The following TTC14 variants were observed in gnomAD, a reference collection of about 807,000 sequenced individuals.
TTC14 encodes tetratricopeptide repeat protein 14.
TTC14 carries 63 observed loss-of-function variants against 79.9 expected under a neutral mutation model. The observed-to-expected ratio is 0.79, with a 90% CI of 0.64 to 0.97. The LOEUF is 0.97. TTC14 is among the 50% of genes least tolerant of loss of function. The probability of loss-of-function intolerance (pLI) is 0.00; values close to 1 mark genes in which losing one functional copy is unlikely to be tolerated. For missense variants in TTC14, 895 were observed against 894.0 expected (o/e 1.00, Z -0.01); for synonymous variants, 335 against 309.6 (o/e 1.08, Z -0.86).
chr3:180,602,854 A>C, intron 1 of TTC14, 37 bp from the exon 2 acceptor site: 1 of 1,585,198 alleles, frequency 6.3e-7, no homozygotes, highest in Non-Finnish European at 8.6e-7. Context: ...GGCTTTGCAG[A>C]TAACCCAATT....
rs1177632959 is a variant in TTC14 at position 180,604,787 on chromosome 3, T to A, written c.702-65T>A. ...GTATTTAAACCTCAAATGATATTAT[T>A]TCTTTACTAGAAATGGAATGTCAAA... On this transcript the variant is annotated intron_variant, in intron 5 of 11. Transcript: ENST00000296015. The A allele has an allele frequency of 5.3e-6, 8 of 1,513,408 alleles. No homozygotes were observed. The East Asian group carries it at 1.6e-4, about 30-fold the overall frequency. 93.7% of individuals were successfully genotyped at this position (1,513,408 alleles called of 1,614,324 possible).
chr3:180,613,674 C>A (rs1025023917), downstream of TTC14: 4 of 342,260 alleles, frequency 1.2e-5, no homozygotes, highest in African/African-American at 6.5e-5. Context: ...TTTAATATTA[C>A]TTCAAGTTTT....
chr3:180,604,983 C>T lies in TTC14; in HGVS notation c.833C>T (p.Pro278Leu). The change falls in exon 6 of 12, where the codon CCA becomes CTA. Residue 278 changes from proline (P) to leucine (L), a missense_variant. Transcript: ENST00000296015. Reference sequence around the variant, plus strand: ...CTAGGAATAGATGAATCTAATCCACCATCTTTAATGAGAGGCCTACAAAGG... The same window carrying T: ...CTAGGAATAGATGAATCTAATCCACTATCTTTAATGAGAGGCCTACAAAGG... Reference protein sequence around the residue: ...EKLGIDESNPPSLMRGLQSKN... With the variant: ...EKLGIDESNPLSLMRGLQSKN... The T allele has an allele frequency of 1.2e-6, 2 of 1,613,244 alleles. No individual in the cohort carries two copies. Among genetic ancestry groups the T allele is most frequent in the South Asian group, 1.1e-5 (1 of 90,978 alleles).
Position 180,610,248 on chromosome 3 carries a change from A to G in TTC14, c.2019A>G (p.Ala673=), listed in dbSNP as rs763128597. 1.2e-5 allele frequency: 20 copies of G among 1,613,928 alleles called. No homozygotes were observed. The highest frequency in any genetic ancestry group is 1.6e-5 in the Non-Finnish European group (19 of 1,179,950). The change falls in exon 12 of 12, where the codon GCA becomes GCG. Residue 673 remains alanine, a synonymous_variant. Coordinates refer to ENST00000296015, the MANE Select transcript of TTC14 (RefSeq NM_133462.4). ...PGSVRHSTSP[A]SSEYSWKSVE... ...CTGTGAGGCATTCTACCTCACCAGC[A>G]AGCTCAGAATACTCTTGGAAGTCAG...
At chr3:180,615,585 AGAAACAGTTTTTTATACTTAAAT>A (rs1717200160), downstream of TTC14, among the ~76,000 whole-genome samples, 1 of 152,198 alleles carries the variant, frequency 6.6e-6, no homozygotes, top group Non-Finnish European at 1.5e-5. Flanking sequence ...TCAGTTATAT[AGAAACAGTTTTTTATACTTAAAT>A]GAAACACTTT....
At chr3:180,605,997 T>C in intron 7 of TTC14, 160 bp downstream of exon 7, 1 of 852,130 alleles carries the variant, frequency 1.2e-6, no homozygotes, top group Middle Eastern at 3.5e-4. Flanking sequence ...TCTTACATTT[T>C]ACACTTAACA....
In TTC14 at chr3:180,602,351, C is replaced by G; in HGVS notation, c.90C>G (p.His30Gln). ...GGAGCGAACAGCAGGACAATCCACA[C>G]TTCCGTAGCCTCCTGGGGTCGGCCG... ...LLRSEQQDNP[H>Q]FRSLLGSAAE... Residue 30 changes from histidine to glutamine, a missense_variant, in exon 1 of 12, where the codon CAC becomes CAG. By Grantham distance (24) the His-to-Gln change is conservative. Transcript: ENST00000296015. 1 of 1,612,982 alleles carries G rather than the reference C, an allele frequency of 6.2e-7. No individual in the cohort carries two copies. The highest frequency in any genetic ancestry group is 1.1e-5 in the South Asian group (1 of 91,074).
downstream of TTC14, among the ~76,000 whole-genome samples, chr3:180,613,415 T>C (rs1033929444): frequency 6.6e-6 from 1 of 152,198 alleles, no homozygotes; most frequent in African/African-American, 2.4e-5. Flanking sequence ...TAAATGTAGA[T>C]TCGTATGCTG....
chr3:180,610,139 C>G lies in TTC14; in HGVS notation c.1910C>G (p.Ser637Ter). 6.2e-7 allele frequency: 1 copy of G among 1,612,700 alleles called. No individual in the cohort carries two copies. The change falls in exon 12 of 12, where the codon TCA (serine) becomes TGA (stop). Residue 637 changes from serine to a stop codon, truncating the protein, a stop_gained. Coordinates refer to ENST00000296015, the MANE Select transcript of TTC14 (RefSeq NM_133462.4). LOFTEE classifies it high-confidence loss of function. ...TCCTCAGATTCCTTCTGTAGGAATT[C>G]AGAGGACAAGATTTATGGTTATAGG... ...RNSSDSFCRN[S>*]EDKIYGYRRF...
rs757001642 is a variant in TTC14, at chr3:180,606,329, A to G, written c.1006A>G (p.Ile336Val). The G allele has an allele frequency of 3.1e-6, 5 of 1,614,046 alleles. No individual in the cohort carries two copies. The highest frequency in any genetic ancestry group is 1.1e-5 in the South Asian group (1 of 91,086). The change falls in exon 8 of 12, where the codon ATA becomes GTA. Residue 336 changes from isoleucine to valine, a missense_variant. By Grantham distance (29) the Ile-to-Val change is conservative (BLOSUM62 3). Coordinates refer to ENST00000296015, the MANE Select transcript of TTC14 (RefSeq NM_133462.4). ...GAATGAATACAATAAAGCTTTGGAA[A>G]TAGACAAACAAAACGTGGAAGCTTT... Reference protein sequence around the residue: ...AMNEYNKALEIDKQNVEALVA... With the variant: ...AMNEYNKALEVDKQNVEALVA...
intron 1 of TTC14, 98 bp from the exon 2 acceptor site, chr3:180,602,793 A>G: frequency 1.5e-6 from 2 of 1,366,628 alleles, no homozygotes; most frequent in Non-Finnish European, 9.8e-7. Context: ...GCAGCTTAGG[A>G]TGGAGCGGAA....
chr3:180,602,654 G>A, intron 1 of TTC14: 1 of 709,572 alleles, frequency 1.4e-6, no homozygotes, highest in Non-Finnish European at 2.2e-6. Flanking sequence ...AGATTCCTTA[G>A]CTAAAAATCC....
chr3:180,616,582 TTCA>T, intron 12 of TTC14: 1 of 1,602,136 alleles, frequency 6.2e-7, no homozygotes, highest in Non-Finnish European at 8.5e-7. Context: ...CAACTAACAT[TTCA>T]TCAATAACTT....
In TTC14 at chr3:180,603,171, A is replaced by T; in HGVS notation, c.334A>T (p.Ser112Cys). ...TTTAGAGCAATTCATGGAGATACCT[A>T]GTATGGATCGGAGAGAGCTGTTTTT... ...PPLEQFMEIP[S>C]MDRRELFFRD... The change falls in exon 3 of 12, where the codon AGT becomes TGT. Residue 112 changes from serine (S) to cysteine (C), a missense_variant. Coordinates refer to ENST00000296015, the MANE Select transcript of TTC14 (RefSeq NM_133462.4). The T allele has an allele frequency of 6.2e-7, 1 of 1,614,086 alleles. No homozygotes were observed. The highest frequency in any genetic ancestry group is 8.5e-7 in the Non-Finnish European group (1 of 1,180,024).
Position 180,610,331 on chromosome 3 carries a change from A to G in TTC14, c.2102A>G (p.Gln701Arg), listed in dbSNP as rs775607217. The G allele has an allele frequency of 1.2e-6, 2 of 1,613,212 alleles. No homozygotes were observed. The highest frequency in any genetic ancestry group is 2.2e-5 in the South Asian group (2 of 90,854). The change falls in exon 12 of 12, where the codon CAA becomes CGA. Residue 701 changes from glutamine to arginine, a missense_variant. Transcript: ENST00000296015. ...TCACGTGATTTCAGTAGACATGAGC[A>G]AAGATACCGTTTAAATACAAATCAA... ...SGSRDFSRHE[Q>R]RYRLNTNQGE...
In TTC14 at chr3:180,603,143, A is replaced by C; in HGVS notation, c.306A>C (p.Pro102=). The C allele has an allele frequency of 6.2e-7, 1 of 1,613,436 alleles. No individual in the cohort carries two copies. ...EDSEDHYAIM[P]PLEQFMEIPS... is the part of the protein sequence containing the mutation. ...TTTTAGATCATTATGCAATCATGCC[A>C]CCTTTAGAGCAATTCATGGAGATAC... The change falls in exon 3 of 12, where the codon CCA becomes CCC. Residue 102 remains proline (P), a synonymous_variant. Transcript: ENST00000296015.
chr3:180,602,619 C>G, intron 1 of TTC14, 197 bp downstream of exon 1: 1 of 770,742 alleles, frequency 1.3e-6, no homozygotes, highest in Non-Finnish European at 2.0e-6. Flanking sequence ...TGAACTTTTT[C>G]TCTGGCACTG....
intron 3 of TTC14, 77 bp from the exon 4 acceptor site, chr3:180,604,148 A>T: frequency 7.6e-7 from 1 of 1,309,402 alleles, no homozygotes; most frequent in Non-Finnish European, 1.1e-6. Context: ...TTTCATACCA[A>T]ACAACTAAGA....
intron 1 of TTC14, 130 bp from the exon 2 acceptor site, chr3:180,602,761 T>G: frequency 1.7e-6 from 2 of 1,155,016 alleles, no homozygotes; most frequent in Non-Finnish European, 1.2e-6. Flanking sequence ...GTTAAAACTT[T>G]TTGTCTGAGG....
Sources: gnomAD v4.1 joint callset for allele counts (sites outside exome capture counted in the v4.1 genomes callset) on GRCh38, gnomAD v4.1.1 for gene constraint, MANE v1.5 for transcripts, NCBI Gene and HGNC (gene_info 2026-07-23, HGNC 2026-07-21) for gene names.